PPM1K: variants seen among roughly 807,000 people sequenced by gnomAD.
PPM1K encodes protein phosphatase Mn(2+)-dependent 1K.
Under a neutral mutation model 32.6 loss-of-function variants are expected in PPM1K, and 19 were observed. The ratio of observed to expected loss-of-function variants is 0.58; its 90% CI spans 0.41 to 0.86. PPM1K has a LOEUF of 0.86. Ranked by LOEUF, PPM1K falls within the 40% of genes least tolerant of loss-of-function variation. PPM1K has a pLI of 0.00. For missense variants in PPM1K, 362 were observed against 461.2 expected, an observed-to-expected ratio of 0.78 and a Z score of 1.97; for synonymous variants, 159 against 165.3, an observed-to-expected ratio of 0.96 and a Z score of 0.29.
chr4:88,270,718 G>C (rs753735990), intron 3 of PPM1K, among the ~76,000 whole-genome samples: 2 of 152,144 alleles, frequency 1.3e-5, no homozygotes, highest in Non-Finnish European at 2.9e-5. Context: ...TTCATAAGTA[G>C]AAGTTTAGTT....
Position 88,280,581 on chromosome 4 carries a change from T to A in PPM1K, c.-59-1939A>T, listed in dbSNP as rs1009751582. The stretch of plus-strand genomic sequence containing the variant: ...AGAGTTGGAGACCAGTGGGCAACTT[T>A]GCAAAACCCTGTCTCCACTAAAAAT... On this transcript the variant is annotated intron_variant, in intron 1 of 6. Transcript: ENST00000608933. Among the ~76,000 whole-genome samples the A allele has an allele frequency of 2.0e-5, 3 of 152,264 alleles. No individual in the cohort carries two copies. In the South Asian group the frequency reaches 6.2e-4, roughly 32 times the overall value.
At position 88,278,084 on chromosome 4, in the gene PPM1K, G is replaced by A. The variant is rs771432264; in HGVS notation, c.440+60C>T. The stretch of plus-strand genomic sequence containing the variant: ...ACGCTGGAAGCCTCAGCCAAAGGGT[G>A]AAAGTTTAAGTAGGAAGTATAGGAA... On this transcript the variant is annotated intron_variant, in intron 2 of 6. Coordinates refer to ENST00000608933, the MANE Select transcript of PPM1K (RefSeq NM_152542.5). The surrounding 1 kb of genome is among the most constrained non-coding windows in gnomAD (Gnocchi z 4.2). The A allele has an allele frequency of 5.5e-6, 8 of 1,443,856 alleles. No homozygotes were observed. Among genetic ancestry groups the A allele is most frequent in the South Asian group, 1.3e-5 (1 of 77,088 alleles). 89.4% of individuals were successfully genotyped at this position (1,443,856 alleles called of 1,614,324 possible).
intron 3 of PPM1K, chr4:88,275,013 A>C: frequency 1.4e-6 from 1 of 728,782 alleles, no homozygotes; most frequent in Non-Finnish European, 1.7e-6. Context: ...CTTTTCTTTT[A>C]GTACACACTA....
chr4:88,268,740 CCTTT>C lies in PPM1K; in HGVS notation c.704_707del (p.Glu235GlyfsTer9). On this transcript the variant is annotated frameshift_variant and splice_region_variant, in exon 4 of 7. Transcript: ENST00000608933. LOFTEE classifies it high-confidence loss of function. ...ATATGATGGATCAGTGGTGGTAGTA[CCTTT>C]CTTTTTCATCTTTTCTTTCTGGAGT... 1.2e-6 allele frequency: 2 copies of C among 1,613,320 alleles called. No homozygotes were observed. Among genetic ancestry groups the C allele is most frequent in the Non-Finnish European group, 8.5e-7 (1 of 1,179,496 alleles).
At chr4:88,275,978 T>C (rs1053011306) in intron 3 of PPM1K, 1 of 985,134 alleles carries the variant, frequency 1.0e-6, no homozygotes, top group African/African-American at 1.7e-5. Flanking sequence ...GGAAAACATA[T>C]CCCTGAAGAG....
At chr4:88,274,102 G>A (rs1247659648) in intron 3 of PPM1K, among the ~76,000 whole-genome samples, 2 of 152,080 alleles carry the variant, frequency 1.3e-5, no homozygotes, top group East Asian at 1.9e-4. Context: ...GTGTGTCCTC[G>A]TCCTTGATTT....
At chr4:88,276,960 C>T (rs1050651193) in intron 3 of PPM1K, 183 bp downstream of exon 3, 6 of 670,350 alleles carry the variant, frequency 9.0e-6, no homozygotes, top group South Asian at 3.5e-5. Flanking sequence ...GAGGTATTAA[C>T]ATTAATTGGA....
Position 88,265,091 on chromosome 4 carries a change from T to C in PPM1K, c.897A>G (p.Gly299=). ...CTTGACTATTCACCATGAAGTTAAT[T>C]CCATCTGTGGTGAGGACCAGGAAGC... The part of the protein sequence containing the change: ...DDSFLVLTTD[G]INFMVNSQEI... The change falls in exon 6 of 7, where the codon GGA becomes GGG. Residue 299 remains glycine (G), a synonymous_variant. Coordinates refer to ENST00000608933, the MANE Select transcript of PPM1K (RefSeq NM_152542.5). 1 of 1,614,192 alleles carries C rather than the reference T, an allele frequency of 6.2e-7. No homozygotes were observed. The highest frequency in any genetic ancestry group is 8.5e-7 in the Non-Finnish European group (1 of 1,180,016).
chr4:88,264,992 C>G lies in PPM1K; in HGVS notation c.987+9G>C, dbSNP rs374460251. On this transcript the variant is annotated intron_variant, in intron 6 of 6. Coordinates refer to ENST00000608933, the MANE Select transcript of PPM1K (RefSeq NM_152542.5). Reference sequence around the variant, plus strand: ...CCTTGGGACTTTTCAGGCAGAAGCTCTGGGTCACCTGTTCAGTCACCGCAT... The same window carrying G: ...CCTTGGGACTTTTCAGGCAGAAGCTGTGGGTCACCTGTTCAGTCACCGCAT... 126 of 1,613,666 alleles carry G rather than the reference C, an allele frequency of 7.8e-5. No homozygotes were observed. The highest frequency in any genetic ancestry group is 1.0e-4 in the Non-Finnish European group (122 of 1,179,846).
chr4:88,283,110 T>A (rs892789237), intron 1 of PPM1K, among the ~76,000 whole-genome samples: 2 of 152,196 alleles, frequency 1.3e-5, no homozygotes, highest in African/African-American at 4.8e-5. Context: ...CCACAAACCA[T>A]GGCTGTTTTT....
intron 2 of PPM1K, 194 bp downstream of exon 2, chr4:88,277,950 T>C (rs1218226297): frequency 1.6e-6 from 1 of 606,284 alleles, no homozygotes; most frequent in Non-Finnish European, 2.9e-6. Context: ...AGGGGAGTTG[T>C]TAAAACATGC....
At chr4:88,277,340 C>T in intron 2 of PPM1K, 97 bp from the exon 3 acceptor site, 1 of 796,870 alleles carries the variant, frequency 1.3e-6, no homozygotes, top group Non-Finnish European at 2.1e-6. Context: ...ACACAACGGG[C>T]CTCAGGATTT....
In PPM1K at chr4:88,268,805, T is replaced by C. The variant is rs1449953226; in HGVS notation, c.643A>G (p.Arg215Gly). The change falls in exon 4 of 7, where the codon AGA becomes GGA. Residue 215 changes from arginine to glycine, a missense_variant. Physicochemically the swap from Arg to Gly is moderately radical, Grantham distance 125. Coordinates refer to ENST00000608933, the MANE Select transcript of PPM1K (RefSeq NM_152542.5). ...GTCAGCTTCATGGGTTTTCCTTTTCTACACAAAATAGCCCGGCTGTCCCCA... is the reference window on the plus strand; with the variant it reads ...GTCAGCTTCATGGGTTTTCCTTTTCCACACAAAATAGCCCGGCTGTCCCCA... Reference protein sequence around the residue: ...SVGDSRAILCRKGKPMKLTID... With the variant: ...SVGDSRAILCGKGKPMKLTID... 6 of 1,613,948 alleles carry C rather than the reference T, an allele frequency of 3.7e-6. No homozygotes were observed. The highest frequency in any genetic ancestry group is 1.3e-5 in the African/African-American group (1 of 74,910).
At position 88,260,222 on chromosome 4, in the gene PPM1K, T is replaced by C. The variant is rs1731067265; in HGVS notation, c.*2373A>G. ...ACCCACCACCACGCCTGGCTAATTT[T>C]TGCATTTTTTGGTCAAGATGAGGTT... is the stretch of plus-strand genomic sequence containing the variant. On this transcript the variant is annotated 3_prime_UTR_variant, in exon 7 of 7. Transcript: ENST00000608933. 1 of 152,058 alleles carries C rather than the reference T, an allele frequency of 6.6e-6. No homozygotes were observed. Among genetic ancestry groups the C allele is most frequent in the South Asian group, 2.1e-4 (1 of 4,826 alleles). 9.4% of individuals were successfully genotyped at this position (152,058 alleles called of 1,614,324 possible).
At chr4:88,272,578 G>A (rs1467333886) in intron 3 of PPM1K, among the ~76,000 whole-genome samples, 1 of 152,146 alleles carries the variant, frequency 6.6e-6, no homozygotes. Context: ...ACAACGGACT[G>A]GTGGGATATC....
chr4:88,266,115 T>C (rs1731293682), intron 5 of PPM1K, among the ~76,000 whole-genome samples: 1 of 152,238 alleles, frequency 6.6e-6, no homozygotes, highest in Non-Finnish European at 1.5e-5. Context: ...CGATGTGGGA[T>C]ATCTATAGAC....
chr4:88,275,053 CT>C, intron 3 of PPM1K: 1 of 823,318 alleles, frequency 1.2e-6, no homozygotes, highest in Non-Finnish European at 1.5e-6. Flanking sequence ...CTCCATTATA[CT>C]TTCAAACAAA....
chr4:88,278,080 G>C lies in PPM1K; in HGVS notation c.440+64C>G, dbSNP rs977970227. On this transcript the variant is annotated intron_variant, in intron 2 of 6. Coordinates refer to ENST00000608933, the MANE Select transcript of PPM1K (RefSeq NM_152542.5). The surrounding 1 kb of genome is among the most constrained non-coding windows in gnomAD (Gnocchi z 4.2). Reference sequence around the variant, plus strand: ...GTTTACGCTGGAAGCCTCAGCCAAAGGGTGAAAGTTTAAGTAGGAAGTATA... The same window carrying C: ...GTTTACGCTGGAAGCCTCAGCCAAACGGTGAAAGTTTAAGTAGGAAGTATA... The C allele has an allele frequency of 7.7e-5, 108 of 1,401,076 alleles. 2 individuals are homozygous for C. The East Asian group carries it at 2.3e-3, about 30-fold the overall frequency. 86.8% of individuals were successfully genotyped at this position (1,401,076 alleles called of 1,614,324 possible).
In PPM1K at chr4:88,276,933, A is replaced by G. The variant is rs1046295244; in HGVS notation, c.541+210T>C. ...TTCTCTTTCTGAAAAATTCTCCAAT[A>G]TATTTCATTTAAAAGTGAGGTATTA... On this transcript the variant is annotated intron_variant, in intron 3 of 6. Transcript: ENST00000608933. The G allele has an allele frequency of 6.0e-5, 43 of 720,752 alleles. No individual in the cohort carries two copies. In the Admixed American group the frequency reaches 1.6e-3, roughly 27 times the overall value. 44.6% of individuals were successfully genotyped at this position (720,752 alleles called of 1,614,324 possible). A position where few individuals can be genotyped will look rare whatever the true frequency, so the allele number is the denominator to read the frequency against.
Sources: allele counts gnomAD v4.1 joint callset (sites outside exome capture counted in the v4.1 genomes callset), GRCh38; gene constraint gnomAD v4.1.1; non-coding constraint Gnocchi (gnomAD v3.1); transcripts MANE v1.5; gene names NCBI Gene and HGNC (gene_info 2026-07-23, HGNC 2026-07-21).